The following DNAJC10 variants were observed in gnomAD, a reference collection of about 807,000 sequenced individuals.
The protein encoded by DNAJC10 is DnaJ heat shock protein family (Hsp40) member C10.
In DNAJC10, 101 loss-of-function variants were observed where a neutral mutation model predicts 115.0. That is an observed-to-expected ratio of 0.88 (90% confidence interval 0.75 to 1.04). The LOEUF is 1.04. Ranked by LOEUF, DNAJC10 falls within the 50% of genes least tolerant of loss-of-function variation. The pLI is 0.00. For missense variants in DNAJC10, 981 were observed against 928.8 expected, an observed-to-expected ratio of 1.06 and a Z score of -0.73; for synonymous variants, 307 against 301.5, an observed-to-expected ratio of 1.02 and a Z score of -0.19.
At chr2:182,725,415 G>C (rs1048456257) in intron 5 of DNAJC10, among the ~76,000 whole-genome samples, 1 of 152,166 alleles carries the variant, frequency 6.6e-6, no homozygotes, top group Non-Finnish European at 1.5e-5. Flanking sequence ...CTAAAAGGTA[G>C]ACCTCTTTTG....
intron 21 of DNAJC10, among the ~76,000 whole-genome samples, chr2:182,761,459 T>G (rs531768926): frequency 9.2e-5 from 14 of 152,302 alleles, no homozygotes; most frequent in Middle Eastern, 6.8e-3. Context: ...AGTAAACCCC[T>G]GCCTTGGGGA....
chr2:182,745,188 T>C (rs1693830258), intron 14 of DNAJC10, among the ~76,000 whole-genome samples: 1 of 152,234 alleles, frequency 6.6e-6, no homozygotes, highest in Non-Finnish European at 1.5e-5. Context: ...GCACCTAGAA[T>C]GGTGTCTGGC....
At chr2:182,745,877 A>G (rs936316999) in intron 14 of DNAJC10, among the ~76,000 whole-genome samples, 2 of 151,930 alleles carry the variant, frequency 1.3e-5, no homozygotes, top group Non-Finnish European at 2.9e-5. Context: ...TCCCCATGCT[A>G]TGTCTCCCCA....
At chr2:182,729,118 A>G in intron 7 of DNAJC10, 124 bp downstream of exon 7, 1 of 959,958 alleles carries the variant, frequency 1.0e-6, no homozygotes, top group East Asian at 2.5e-5. Flanking sequence ...GTGCCATCTC[A>G]CTAGTCTTCT....
At chr2:182,719,661 A>G (rs1693095015) in intron 3 of DNAJC10, among the ~76,000 whole-genome samples, 1 of 152,138 alleles carries the variant, frequency 6.6e-6, no homozygotes, top group African/African-American at 2.4e-5. Context: ...TAATTGTTAT[A>G]GGAGTAAAAA....
intron 13 of DNAJC10, among the ~76,000 whole-genome samples, chr2:182,742,700 C>G (rs900062843): frequency 1.3e-5 from 2 of 152,132 alleles, no homozygotes; most frequent in Admixed American, 6.5e-5. Flanking sequence ...TATTCACTTT[C>G]ATTTAATTGC....
chr2:182,744,264 A>G (rs1269992661), intron 14 of DNAJC10, among the ~76,000 whole-genome samples: 1 of 152,230 alleles, frequency 6.6e-6, no homozygotes, highest in Non-Finnish European at 1.5e-5. Flanking sequence ...AAACACACAG[A>G]CTACCAACTA....
intron 22 of DNAJC10, among the ~76,000 whole-genome samples, chr2:182,771,273 T>C (rs1004067467): frequency 1.3e-5 from 2 of 152,216 alleles, no homozygotes; most frequent in Admixed American, 6.5e-5. Flanking sequence ...ATCAGGGATA[T>C]TGGTCTAAAA....
intron 11 of DNAJC10, chr2:182,739,766 C>T (rs1301536864): frequency 1.0e-6 from 1 of 999,900 alleles, no homozygotes; most frequent in African/African-American, 1.7e-5. Flanking sequence ...AGATGAAAAC[C>T]TCTATAATGA....
intron 12 of DNAJC10, 74 bp downstream of exon 12, chr2:182,740,462 G>A (rs961059086): frequency 1.4e-6 from 2 of 1,383,096 alleles, no homozygotes; most frequent in African/African-American, 1.5e-5. Flanking sequence ...TTTAAAATTA[G>A]CATTTGTTTT....
At position 182,790,838 on chromosome 2, in the gene DNAJC10, T is replaced by TAA. The variant is rs1309621565; in HGVS notation, c.*13709_*13710dup. 1 of 151,678 alleles carries TAA rather than the reference T, an allele frequency of 6.6e-6. No individual in the cohort carries two copies. Among genetic ancestry groups the TAA allele is most frequent in the Non-Finnish European group, 1.5e-5 (1 of 67,910 alleles). 9.4% of individuals were successfully genotyped at this position (151,678 alleles called of 1,614,324 possible). A position where few individuals can be genotyped will look rare whatever the true frequency, so the allele number is the denominator to read the frequency against. Reference sequence around the variant, plus strand: ...TAGTAATAATTATGCCTTCTAACACTAAAATCAAATAACCTTACTTATCAG... The same window carrying TAA: ...TAGTAATAATTATGCCTTCTAACACTAAAAAATCAAATAACCTTACTTATCAG... On this transcript the variant is annotated 3_prime_UTR_variant, in exon 24 of 24. Transcript: ENST00000264065.
At position 182,785,018 on chromosome 2, in the gene DNAJC10, T is replaced by A. The variant is rs1290986029; in HGVS notation, c.*7886T>A. The stretch of plus-strand genomic sequence containing the variant: ...AAAAATATCCTGAATTATCAGTCAG[T>A]TATGTTTGACTATGAGAAATTGCAG... On this transcript the variant is annotated 3_prime_UTR_variant, in exon 24 of 24. Coordinates refer to ENST00000264065, the MANE Select transcript of DNAJC10 (RefSeq NM_018981.4). The A allele has an allele frequency of 6.6e-6, 1 of 152,208 alleles. No individual in the cohort carries two copies. The highest frequency in any genetic ancestry group is 1.5e-5 in the Non-Finnish European group (1 of 68,040). 9.4% of individuals were successfully genotyped at this position (152,208 alleles called of 1,614,324 possible).
Position 182,741,367 on chromosome 2 carries a change from T to G in DNAJC10, c.1191+11T>G. ...AATGATCATATTCAAGTAAGAAAAATGTATTCTGCCTAGCCTTCTGCTGGT... is the reference window on the plus strand; with the variant it reads ...AATGATCATATTCAAGTAAGAAAAAGGTATTCTGCCTAGCCTTCTGCTGGT... On this transcript the variant is annotated intron_variant, in intron 13 of 23. Coordinates refer to ENST00000264065, the MANE Select transcript of DNAJC10 (RefSeq NM_018981.4). 1 of 1,391,532 alleles carries G rather than the reference T, an allele frequency of 7.2e-7. No individual in the cohort carries two copies. Among genetic ancestry groups the G allele is most frequent in the Non-Finnish European group, 1.0e-6 (1 of 999,244 alleles). 86.2% of individuals were successfully genotyped at this position (1,391,532 alleles called of 1,614,324 possible).
chr2:182,749,814 C>G (rs939419930), intron 14 of DNAJC10, among the ~76,000 whole-genome samples: 2 of 152,112 alleles, frequency 1.3e-5, no homozygotes, highest in Non-Finnish European at 2.9e-5. Context: ...TTTTCGTGGT[C>G]AGGAATCTGA....
chr2:182,751,361 C>T (rs904326149), intron 14 of DNAJC10, among the ~76,000 whole-genome samples: 38 of 151,936 alleles, frequency 2.5e-4, no homozygotes, highest in Admixed American at 2.4e-3. Flanking sequence ...GTCTCGATCT[C>T]TTGACCTCGT....
chr2:182,735,139 G>T (rs80298380), intron 10 of DNAJC10, among the ~76,000 whole-genome samples: 3,942 of 151,518 alleles, frequency 0.026, 71 homozygotes, highest in East Asian at 0.1. Flanking sequence ...TTAAGCAAGT[G>T]ATTTTTAAAA....
At chr2:182,728,789 T>C in intron 6 of DNAJC10, 74 bp from the exon 7 acceptor site, 22 of 1,546,804 alleles carry the variant, frequency 1.4e-5, no homozygotes, top group Non-Finnish European at 1.9e-5. Flanking sequence ...GGTTTAAAAA[T>C]ATATAGCTTG....
intron 7 of DNAJC10, 46 bp downstream of exon 7, chr2:182,729,040 CAAGTT>C: frequency 6.3e-7 from 1 of 1,580,940 alleles, no homozygotes; most frequent in Middle Eastern, 1.7e-4. Context: ...AACATTATGA[CAAGTT>C]AAATAGTAGA....
chr2:182,751,323 C>T (rs892317357), intron 14 of DNAJC10, among the ~76,000 whole-genome samples: 9 of 151,292 alleles, frequency 5.9e-5, no homozygotes, highest in Admixed American at 1.3e-4. Context: ...TTAGTAGAGA[C>T]GGGGGTTTCA....
Sources: allele counts gnomAD v4.1 joint callset (sites outside exome capture counted in the v4.1 genomes callset), GRCh38; gene constraint gnomAD v4.1.1; transcripts MANE v1.5; gene names NCBI Gene and HGNC (gene_info 2026-07-23, HGNC 2026-07-21).